The following EFTUD2 variants were observed in gnomAD, a reference collection of about 807,000 sequenced individuals.
EFTUD2 encodes 116 kDa U5 small nuclear ribonucleoprotein component.
Under a neutral mutation model 114.3 loss-of-function variants are expected in EFTUD2, and 9 were observed. The observed-to-expected ratio is 0.08, with a 90% CI of 0.05 to 0.14. The LOEUF is 0.14. EFTUD2 is among the 10% of genes least tolerant of loss of function. The pLI is 1.00. For synonymous variants in EFTUD2, 449 were observed against 462.3 expected (o/e 0.97, Z 0.37); for missense variants, 765 against 1,241.2 (o/e 0.62, Z 5.76).
intron 2 of EFTUD2, among the ~76,000 whole-genome samples, chr17:44,888,075 G>A (rs1222324229): frequency 6.6e-6 from 1 of 152,202 alleles, no homozygotes; most frequent in Non-Finnish European, 1.5e-5. Flanking sequence ...AGGTACCTGG[G>A]GAAGAGCATT....
At chr17:44,880,681 T>C (rs1287574732) in intron 7 of EFTUD2, 37 bp from the exon 8 acceptor site, 4 of 1,546,800 alleles carry the variant, frequency 2.6e-6, no homozygotes, top group Admixed American at 3.4e-5. Context: ...CCTCTTCCTA[T>C]GCAAGAGGGG....
At chr17:44,889,726 T>C (rs2051243948) in intron 2 of EFTUD2, among the ~76,000 whole-genome samples, 1 of 152,186 alleles carries the variant, frequency 6.6e-6, no homozygotes, top group South Asian at 2.1e-4. Flanking sequence ...TGAGACCGGC[T>C]ACCTCCTACC....
At position 44,881,777 on chromosome 17, in the gene EFTUD2, C is replaced by T. The variant is rs1357075221; in HGVS notation, c.493-55G>A. On this transcript the variant is annotated intron_variant, in intron 6 of 27. Coordinates refer to ENST00000426333, the MANE Select transcript of EFTUD2 (RefSeq NM_004247.4). ...TGAGTTGAGACTGCTCTCCCACAAACGAACCATCAATCACTTTCCCTCACT... is the reference window on the plus strand; with the variant it reads ...TGAGTTGAGACTGCTCTCCCACAAATGAACCATCAATCACTTTCCCTCACT... 2.0e-5 allele frequency: 31 copies of T among 1,552,764 alleles called. 1 individual carries two copies. Among genetic ancestry groups the T allele is most frequent in the South Asian group, 8.9e-5 (8 of 89,624 alleles).
Position 44,859,067 on chromosome 17 carries a change from G to A in EFTUD2, c.1962+13C>T. 1.3e-6 allele frequency: 2 copies of A among 1,579,968 alleles called. No homozygotes were observed. The highest frequency in any genetic ancestry group is 1.7e-6 in the Non-Finnish European group (2 of 1,148,804). On this transcript the variant is annotated intron_variant, in intron 19 of 27. Coordinates refer to ENST00000426333, the MANE Select transcript of EFTUD2 (RefSeq NM_004247.4). Reference sequence around the variant, plus strand: ...TGGACCGTGAACCCAGCTCCCGGCAGATACTGCTGTACCTTGATGTCTATC... The same window carrying A: ...TGGACCGTGAACCCAGCTCCCGGCAAATACTGCTGTACCTTGATGTCTATC...
intron 20 of EFTUD2, 86 bp downstream of exon 20, chr17:44,856,989 G>T: frequency 8.8e-7 from 1 of 1,132,536 alleles, no homozygotes; most frequent in Non-Finnish European, 1.3e-6. Context: ...TGTGCATAGT[G>T]CTCATGGTGG....
chr17:44,862,046 G>A (rs907898928), intron 16 of EFTUD2, among the ~76,000 whole-genome samples: 2 of 152,142 alleles, frequency 1.3e-5, no homozygotes, highest in Admixed American at 1.3e-4. Flanking sequence ...CAAAGATTAT[G>A]ACTTAAGGAA....
At chr17:44,887,523 C>T (rs375870297) in intron 2 of EFTUD2, among the ~76,000 whole-genome samples, 6 of 152,168 alleles carry the variant, frequency 3.9e-5, no homozygotes, top group African/African-American at 9.7e-5. Flanking sequence ...TAGGTATATA[C>T]ATGCTACAGC....
intron 13 of EFTUD2, among the ~76,000 whole-genome samples, chr17:44,867,352 T>G (rs1249669650): frequency 6.9e-6 from 1 of 143,930 alleles, no homozygotes. Context: ...CAGGCTGGAG[T>G]GCAGTGGTGC....
At chr17:44,899,056 G>C (rs1205911936) in intron 1 of EFTUD2, 3 of 152,212 alleles carry the variant, frequency 2.0e-5, no homozygotes, top group Admixed American at 6.5e-5. Flanking sequence ...AAGCGGCACG[G>C]ATAGAAGAGG....
chr17:44,873,379 AG>A (rs1359453137), intron 10 of EFTUD2, among the ~76,000 whole-genome samples: 1 of 152,182 alleles, frequency 6.6e-6, no homozygotes, highest in Admixed American at 6.5e-5. Flanking sequence ...CTTTTGAGAC[AG>A]GGTCTTGCCT....
chr17:44,873,905 TTG>T (rs2050900044), intron 10 of EFTUD2, among the ~76,000 whole-genome samples: 1 of 151,222 alleles, frequency 6.6e-6, no homozygotes, highest in Non-Finnish European at 1.5e-5. Flanking sequence ...CTAATTTTTT[TTG>T]TATTTTTTAG....
At chr17:44,863,986 G>C in intron 14 of EFTUD2, 1 of 562,266 alleles carries the variant, frequency 1.8e-6, no homozygotes, top group South Asian at 2.4e-5. Context: ...TGCCAGAAAA[G>C]AGCAAGCAGC....
rs145808070 is a variant in EFTUD2, at chr17:44,873,329, A to AT, written c.870-760dup. Among the ~76,000 whole-genome samples the AT allele has an allele frequency of 4.7e-3, 710 of 152,272 alleles. 7 individuals carry two copies. Among genetic ancestry groups the AT allele is most frequent in the African/African-American group, 0.017 (696 of 41,568 alleles). ...GTATTTACCTTCAGGTTTCTAAGTA[A>AT]TATGTTTATGTTACTTTTTCTTGCT... is the stretch of plus-strand genomic sequence containing the variant. On this transcript the variant is annotated intron_variant, in intron 10 of 27. Coordinates refer to ENST00000426333, the MANE Select transcript of EFTUD2 (RefSeq NM_004247.4).
chr17:44,862,449 G>A (rs552230587), intron 16 of EFTUD2, among the ~76,000 whole-genome samples: 30 of 151,858 alleles, frequency 2.0e-4, no homozygotes, highest in Middle Eastern at 3.4e-3. Flanking sequence ...CAAACAAATA[G>A]GGCTAAAAAA....
Position 44,881,715 on chromosome 17 carries a change from T to C in EFTUD2, c.500A>G (p.Tyr167Cys). 1 of 1,614,202 alleles carries C rather than the reference T, an allele frequency of 6.2e-7. No individual in the cohort carries two copies. The highest frequency in any genetic ancestry group is 8.5e-7 in the Non-Finnish European group (1 of 1,180,020). ...TTGCTCTGTGAAGAGGATGTCAGTATAGCACAGCTGAAAAAAAATTAACTG... is the reference window on the plus strand; with the variant it reads ...TTGCTCTGTGAAGAGGATGTCAGTACAGCACAGCTGAAAAAAAATTAACTG... The part of the protein sequence containing the change: ...IRKRYDQDLC[Y>C]TDILFTEQER... The change falls in exon 7 of 28, where the codon TAT (tyrosine) becomes TGT (cysteine). Residue 167 changes from tyrosine to cysteine, a missense_variant. This residue lies in a region of EFTUD2 where 251 missense variants were observed against 357.7 expected (regional missense o/e 0.70). Transcript: ENST00000426333.
chr17:44,876,686 A>G (rs2050956486), intron 9 of EFTUD2, among the ~76,000 whole-genome samples: 1 of 151,892 alleles, frequency 6.6e-6, no homozygotes, highest in South Asian at 2.1e-4. Flanking sequence ...CCCTGTCTCG[A>G]CTAAAAATAC....
chr17:44,890,558 C>T (rs550542626), intron 2 of EFTUD2, among the ~76,000 whole-genome samples: 11 of 151,682 alleles, frequency 7.3e-5, no homozygotes, highest in East Asian at 2.0e-4. Context: ...CGGGCGTGGA[C>T]GCACATGCCT....
intron 12 of EFTUD2, 32 bp downstream of exon 12, chr17:44,868,255 C>T (rs1295926626): frequency 6.2e-7 from 1 of 1,600,412 alleles, no homozygotes; most frequent in Non-Finnish European, 8.5e-7. Flanking sequence ...ATGATCACCC[C>T]TCTGGAAAGT....
chr17:44,854,365 A>T lies in EFTUD2; in HGVS notation c.2260-9T>A, dbSNP rs762093105. On this transcript the variant is annotated splice_polypyrimidine_tract_variant and intron_variant, in intron 22 of 27. Coordinates refer to ENST00000426333, the MANE Select transcript of EFTUD2 (RefSeq NM_004247.4). This position sits in a 1 kb window ranked among gnomAD's most constrained non-coding sequence, Gnocchi z 4.3. ...AGAAGAGCCTTGTCCACCTATAGAGAAACATGAGGCCTCCTTAGCAGTCGC... is the reference window on the plus strand; with the variant it reads ...AGAAGAGCCTTGTCCACCTATAGAGTAACATGAGGCCTCCTTAGCAGTCGC... The T allele has an allele frequency of 8.1e-6, 13 of 1,612,474 alleles. 1 individual carries two copies. In the East Asian group the frequency reaches 2.9e-4, roughly 36 times the overall value.
Sources: allele counts gnomAD v4.1 joint callset (sites outside exome capture counted in the v4.1 genomes callset), GRCh38; gene constraint gnomAD v4.1.1; regional missense constraint gnomAD v4.1.1; non-coding constraint Gnocchi (gnomAD v3.1); transcripts MANE v1.5; gene names NCBI Gene and HGNC (gene_info 2026-07-23, HGNC 2026-07-21).